Variants in EFTUD2 observed in about 807,000 individuals in gnomAD.
EFTUD2 encodes the protein elongation factor Tu GTP binding domain containing 2, also known as 116 kDa U5 small nuclear ribonucleoprotein component.
A neutral mutation model predicts 114.3 loss-of-function variants in EFTUD2; 9 were observed. The observed-to-expected ratio is 0.08, with a 90% CI of 0.05 to 0.14. The LOEUF (loss-of-function observed/expected upper bound fraction) is 0.14, where lower values mean the gene tolerates loss of function less well. Ranked by LOEUF, EFTUD2 falls within the 10% of genes least tolerant of loss-of-function variation. The pLI, the probability that EFTUD2 is intolerant of heterozygous loss-of-function variation, is 1.00. For synonymous variants in EFTUD2, 449 were observed against 462.3 expected (o/e 0.97, Z 0.37); for missense variants, 765 against 1,241.2 (o/e 0.62, Z 5.76).
intron 15 of EFTUD2, 94 bp downstream of exon 15, chr17:44,863,561 G>T: frequency 1.3e-6 from 2 of 1,522,408 alleles, no homozygotes; most frequent in Non-Finnish European, 1.8e-6. Context: ...GGCAAGGGTG[G>T]GAAAGTGGGC....
At chr17:44,888,349 A>C (rs937147562) in intron 2 of EFTUD2, among the ~76,000 whole-genome samples, 1 of 152,210 alleles carries the variant, frequency 6.6e-6, no homozygotes, top group Non-Finnish European at 1.5e-5. Context: ...TAAACATCCT[A>C]CAACACACAG....
At chr17:44,857,037 G>A (rs968732516) in intron 20 of EFTUD2, 38 bp downstream of exon 20, 2 of 1,549,670 alleles carry the variant, frequency 1.3e-6, no homozygotes, top group Non-Finnish European at 1.8e-6. Flanking sequence ...GAGTGTCCAG[G>A]AGGCTGCAGT....
chr17:44,883,734 CAAAGGA>C lies in EFTUD2; in HGVS notation c.351-16_351-11del. On this transcript the variant is annotated splice_polypyrimidine_tract_variant and intron_variant, in intron 4 of 27. Coordinates refer to ENST00000426333, the MANE Select transcript of EFTUD2 (RefSeq NM_004247.4). ...CAGATCCGCCAAGAAACTGAAAGGA[CAAAGGA>C]AAAGAGAAAAGAGAGATTGGCAAAC... 6.2e-7 allele frequency: 1 copy of C among 1,613,692 alleles called. No individual in the cohort carries two copies. Among genetic ancestry groups the C allele is most frequent in the Non-Finnish European group, 8.5e-7 (1 of 1,179,662 alleles).
chr17:44,856,254 C>T (rs754704716), intron 20 of EFTUD2, among the ~76,000 whole-genome samples: 16 of 151,024 alleles, frequency 1.1e-4, no homozygotes, highest in South Asian at 2.1e-4. Flanking sequence ...TTAAGCTGGG[C>T]GTGGTGGCTC....
intron 2 of EFTUD2, among the ~76,000 whole-genome samples, chr17:44,892,631 C>CTTTTTTT (rs967860195): frequency 2.0e-4 from 20 of 101,390 alleles, no homozygotes; most frequent in East Asian, 3.2e-4. Context: ...ACTGTAAAAC[C>CTTTTTTT]TTTTTTTTTT....
At chr17:44,867,075 CCCA>C (rs2050759217) in intron 13 of EFTUD2, among the ~76,000 whole-genome samples, 1 of 152,246 alleles carries the variant, frequency 6.6e-6, no homozygotes, top group Middle Eastern at 3.4e-3. Flanking sequence ...CTATTGCACT[CCCA>C]CCTGGGCGAC....
chr17:44,896,520 A>C (rs1489924579), intron 1 of EFTUD2, among the ~76,000 whole-genome samples: 2 of 152,018 alleles, frequency 1.3e-5, no homozygotes, highest in Non-Finnish European at 2.9e-5. Context: ...GGTGGCACAC[A>C]CCTGTAGTCC....
rs766020482 is a variant in EFTUD2 at position 44,862,696 on chromosome 17, G to C, written c.1607+17C>G. The C allele has an allele frequency of 6.2e-7, 1 of 1,607,894 alleles. No homozygotes were observed. Among genetic ancestry groups the C allele is most frequent in the Non-Finnish European group, 8.5e-7 (1 of 1,176,266 alleles). On this transcript the variant is annotated intron_variant, in intron 16 of 27. Transcript: ENST00000426333. ...ATAGACACCAAGGCATACTCCTGGGGCTCTGGTTGGCAGTACCTGGCCACA... is the reference window on the plus strand; with the variant it reads ...ATAGACACCAAGGCATACTCCTGGGCCTCTGGTTGGCAGTACCTGGCCACA...
At position 44,856,817 on chromosome 17, in the gene EFTUD2, T is replaced by G. The variant is rs914643062; in HGVS notation, c.2045+258A>C. 2.0e-5 allele frequency among the ~76,000 whole-genome samples: 3 copies of G among 151,068 alleles called. No individual in the cohort carries two copies. In the South Asian group the frequency reaches 6.3e-4, roughly 32 times the overall value. ...TAAGATTTGGAGTAAACTTTTAAGATAGTCATTTTATAGAGACAAAGTGGC... is the reference window on the plus strand; with the variant it reads ...TAAGATTTGGAGTAAACTTTTAAGAGAGTCATTTTATAGAGACAAAGTGGC... On this transcript the variant is annotated intron_variant, in intron 20 of 27. Transcript: ENST00000426333.
intron 9 of EFTUD2, among the ~76,000 whole-genome samples, chr17:44,877,090 G>A (rs2050974410): frequency 6.6e-6 from 1 of 152,068 alleles, no homozygotes; most frequent in Admixed American, 6.6e-5. Flanking sequence ...CAGCTATTTG[G>A]GAGGCTGAAG....
chr17:44,860,189 G>A (rs2050630898), intron 17 of EFTUD2, 144 bp from the exon 18 acceptor site: 7 of 1,146,440 alleles, frequency 6.1e-6, no homozygotes, highest in Non-Finnish European at 8.8e-6. Flanking sequence ...GGGGTAACCT[G>A]AAGGGCCATT....
intron 20 of EFTUD2, 90 bp downstream of exon 20, chr17:44,856,985 T>C (rs1227084105): frequency 5.5e-6 from 6 of 1,086,954 alleles, no homozygotes; most frequent in South Asian, 1.3e-5. Flanking sequence ...TCTATGTGCA[T>C]AGTGCTCATG....
chr17:44,853,945 T>C (rs1217450212), intron 23 of EFTUD2: 2 of 1,360,062 alleles, frequency 1.5e-6, no homozygotes, highest in African/African-American at 2.9e-5. Context: ...ATTGTACATT[T>C]GGTCCATGAA....
chr17:44,870,372 C>G (rs904479068), intron 11 of EFTUD2, among the ~76,000 whole-genome samples: 1 of 152,156 alleles, frequency 6.6e-6, no homozygotes, highest in Admixed American at 6.5e-5. Flanking sequence ...TATTGTTTAG[C>G]TACCCATTTT....
Position 44,850,361 on chromosome 17 carries a change from G to GCCTT in EFTUD2, c.*912_*913insAAGG. Reference sequence around the variant, plus strand: ...TGTGTACACAATGTACAGCGATTACGTCAAGAGGATGGCACAGGATGCTGG... The same window carrying GCCTT: ...TGTGTACACAATGTACAGCGATTACGCCTTTCAAGAGGATGGCACAGGATGCTGG... On this transcript the variant is annotated 3_prime_UTR_variant, in exon 28 of 28. Coordinates refer to ENST00000426333, the MANE Select transcript of EFTUD2 (RefSeq NM_004247.4). 1 of 1,613,400 alleles carries GCCTT rather than the reference G, an allele frequency of 6.2e-7. No individual in the cohort carries two copies. The highest frequency in any genetic ancestry group is 8.5e-7 in the Non-Finnish European group (1 of 1,179,622).
intron 11 of EFTUD2, 61 bp from the exon 12 acceptor site, chr17:44,868,411 C>T: frequency 6.6e-7 from 1 of 1,522,012 alleles, no homozygotes; most frequent in South Asian, 1.1e-5. Flanking sequence ...AATTCTGTTT[C>T]AGGTGCCACA....
chr17:44,859,727 C>A, intron 18 of EFTUD2, 178 bp downstream of exon 18: 1 of 904,764 alleles, frequency 1.1e-6, no homozygotes, highest in Non-Finnish European at 1.7e-6. Flanking sequence ...CACACACATA[C>A]ACACACACAC....
intron 11 of EFTUD2, among the ~76,000 whole-genome samples, chr17:44,870,303 T>C (rs1348889320): frequency 6.6e-6 from 1 of 152,118 alleles, no homozygotes; most frequent in Non-Finnish European, 1.5e-5. Flanking sequence ...CACATGCTCA[T>C]ACAATGGACA....
intron 1 of EFTUD2, among the ~76,000 whole-genome samples, chr17:44,894,998 A>G (rs186554894): frequency 6.0e-4 from 91 of 152,398 alleles, no homozygotes; most frequent in African/African-American, 2.1e-3. Context: ...ACAATGGCTC[A>G]TCACCTCCTA....
Sources: gnomAD v4.1 joint callset for allele counts (sites outside exome capture counted in the v4.1 genomes callset) on GRCh38, gnomAD v4.1.1 for gene constraint, MANE v1.5 for transcripts, NCBI Gene and HGNC (gene_info 2026-07-23, HGNC 2026-07-21) for gene names.